GNA12: variants seen among roughly 807,000 people sequenced by gnomAD.
GNA12 encodes guanine nucleotide-binding protein subunit alpha-12.
In GNA12, 9 loss-of-function variants were observed where a neutral mutation model predicts 26.0. The observed-to-expected ratio is 0.35, with a 90% CI of 0.21 to 0.60. GNA12 has a LOEUF of 0.60. GNA12 is among the 20% of genes least tolerant of loss of function. The pLI is 0.78. For missense variants in GNA12, 405 were observed against 525.8 expected (o/e 0.77, Z 2.25); for synonymous variants, 264 against 219.6 (o/e 1.20, Z -1.79).
intron 1 of GNA12, among the ~76,000 whole-genome samples, chr7:2,813,332 T>C (rs1793131005): frequency 6.6e-6 from 1 of 152,244 alleles, no homozygotes; most frequent in Admixed American, 6.5e-5. Flanking sequence ...ATTTAAATTA[T>C]TTTAAAAAAT....
chr7:2,794,131 G>A (rs1037071962), intron 2 of GNA12, among the ~76,000 whole-genome samples: 2 of 152,222 alleles, frequency 1.3e-5, no homozygotes, highest in South Asian at 4.1e-4. Context: ...TGAAGGTTAA[G>A]AATCAGTAAA....
chr7:2,751,030 A>G (rs1370279766), intron 2 of GNA12, among the ~76,000 whole-genome samples: 1 of 152,224 alleles, frequency 6.6e-6, no homozygotes, highest in Non-Finnish European at 1.5e-5. Context: ...ATGTTAAAAT[A>G]TCAACACTTT....
intron 1 of GNA12, chr7:2,814,355 C>T: frequency 6.2e-7 from 1 of 1,605,092 alleles, no homozygotes; most frequent in South Asian, 1.1e-5. Flanking sequence ...AAAACGGCAG[C>T]ACTTTCGGTT....
chr7:2,734,170 C>T (rs1232778855), intron 2 of GNA12, among the ~76,000 whole-genome samples: 1 of 152,326 alleles, frequency 6.6e-6, no homozygotes, highest in South Asian at 2.1e-4. Context: ...CGGAATCACC[C>T]AGGACCCCGT....
intron 1 of GNA12, among the ~76,000 whole-genome samples, chr7:2,839,216 A>G (rs1008636561): frequency 4.6e-5 from 7 of 151,600 alleles, no homozygotes; most frequent in Non-Finnish European, 2.9e-5. Flanking sequence ...GAAATCAACA[A>G]AAGAGAGACA....
chr7:2,806,127 T>G (rs1322261820), intron 1 of GNA12, among the ~76,000 whole-genome samples: 1 of 152,212 alleles, frequency 6.6e-6, no homozygotes, highest in Non-Finnish European at 1.5e-5. Flanking sequence ...TGCCTTACAT[T>G]TGTGGCTCAC....
At chr7:2,843,544 G>C (rs536856394) in intron 1 of GNA12, among the ~76,000 whole-genome samples, 3 of 152,110 alleles carry the variant, frequency 2.0e-5, no homozygotes, top group Non-Finnish European at 4.4e-5. Flanking sequence ...TACTTCGGGA[G>C]GCTAAGGAGG....
At chr7:2,818,059 C>T (rs919296713) in intron 1 of GNA12, among the ~76,000 whole-genome samples, 7 of 152,144 alleles carry the variant, frequency 4.6e-5, no homozygotes, top group Admixed American at 6.5e-5. Context: ...TTCACTATAA[C>T]GTATTAAAAT....
rs554761310 is a variant in GNA12 at position 2,738,450 on chromosome 7, G to A, written c.526-4949C>T. ...GGCGAAGGAGAAGAGCTCCGTGGCT[G>A]GAAGGAGGTTTCCGATACCCACTGC... On this transcript the variant is annotated intron_variant, in intron 2 of 3. Coordinates refer to ENST00000275364, the MANE Select transcript of GNA12 (RefSeq NM_007353.3). 4.7e-4 allele frequency among the ~76,000 whole-genome samples: 71 copies of A among 152,314 alleles called. No individual in the cohort carries two copies. The South Asian group carries it at 0.014, about 30-fold the overall frequency.
Position 2,749,324 on chromosome 7 carries a change from T to C in GNA12, c.526-15823A>G, listed in dbSNP as rs187932286. 2.6e-5 allele frequency among the ~76,000 whole-genome samples: 4 copies of C among 152,308 alleles called. No individual in the cohort carries two copies. In the East Asian group the frequency reaches 5.8e-4, roughly 22 times the overall value. On this transcript the variant is annotated intron_variant, in intron 2 of 3. Coordinates refer to ENST00000275364, the MANE Select transcript of GNA12 (RefSeq NM_007353.3). Reference sequence around the variant, plus strand: ...GCCACATATACACCATGGAATACTATGGAGCCATAAAAAATGATGAGTTCT... The same window carrying C: ...GCCACATATACACCATGGAATACTACGGAGCCATAAAAAATGATGAGTTCT...
Position 2,731,638 on chromosome 7 carries a change from C to G in GNA12, c.689G>C (p.Gly230Ala). 1 of 1,613,656 alleles carries G rather than the reference C, an allele frequency of 6.2e-7. No homozygotes were observed. Among genetic ancestry groups the G allele is most frequent in the Non-Finnish European group, 8.5e-7 (1 of 1,179,826 alleles). The change falls in exon 4 of 4, where the codon GGC becomes GCC. Residue 230 changes from glycine to alanine, a missense_variant. Gly to Ala is a moderately conservative substitution (Grantham distance 60). Coordinates refer to ENST00000275364, the MANE Select transcript of GNA12 (RefSeq NM_007353.3). This position sits in a 1 kb window ranked among gnomAD's most constrained non-coding sequence, Gnocchi z 6.0. ...KIPFKMVDVG[G>A]QRSQRQKWFQ... is the part of the protein sequence containing the mutation. ...CCACTTCTGGCGCTGGGACCGCTGG[C>G]CGCCCACATCCACCATCTTAAAGGG...
intron 2 of GNA12, among the ~76,000 whole-genome samples, chr7:2,769,123 C>G (rs147494411): frequency 6.6e-6 from 1 of 152,050 alleles, no homozygotes; most frequent in Non-Finnish European, 1.5e-5. Context: ...AGGCTGGTCT[C>G]GAACTCCTAA....
At chr7:2,841,870 C>T (rs1583322345) in intron 1 of GNA12, among the ~76,000 whole-genome samples, 1 of 152,112 alleles carries the variant, frequency 6.6e-6, no homozygotes, top group East Asian at 1.9e-4. Context: ...AACCTAGTCT[C>T]CAGGCAGGTT....
intron 2 of GNA12, among the ~76,000 whole-genome samples, chr7:2,789,925 T>C (rs189530636): frequency 1.3e-3 from 198 of 152,354 alleles, no homozygotes; most frequent in Middle Eastern, 3.4e-3. Context: ...CTACCGCCTG[T>C]GTCAGTTTTT....
chr7:2,777,211 C>T (rs536211259), intron 2 of GNA12, among the ~76,000 whole-genome samples: 5 of 152,156 alleles, frequency 3.3e-5, no homozygotes, highest in South Asian at 2.1e-4. Flanking sequence ...CAAACGTGGA[C>T]GCTTGGGTAT....
chr7:2,761,941 T>A lies in GNA12; in HGVS notation c.526-28440A>T, dbSNP rs549843313. ...GGAATGTCCAAATGTAAGGGAAAAATGTGGAGTGTCCAGCCGCCCACCAGT... is the reference window on the plus strand; with the variant it reads ...GGAATGTCCAAATGTAAGGGAAAAAAGTGGAGTGTCCAGCCGCCCACCAGT... On this transcript the variant is annotated intron_variant, in intron 2 of 3. Coordinates refer to ENST00000275364, the MANE Select transcript of GNA12 (RefSeq NM_007353.3). Among the ~76,000 whole-genome samples the A allele has an allele frequency of 1.7e-3, 257 of 152,162 alleles. 1 individual carries two copies. Among genetic ancestry groups the A allele is most frequent in the Non-Finnish European group, 3.0e-3 (203 of 68,022 alleles).
chr7:2,826,376 CAA>C (rs71026566), intron 1 of GNA12, among the ~76,000 whole-genome samples: 46,278 of 107,306 alleles, frequency 0.43, 7,703 homozygotes, highest in Admixed American at 0.49. Context: ...GACTCCATCT[CAA>C]AAAAAAAAAA....
chr7:2,759,485 TTAC>T (rs1258628632), intron 2 of GNA12, among the ~76,000 whole-genome samples: 1 of 152,202 alleles, frequency 6.6e-6, no homozygotes, highest in African/African-American at 2.4e-5. Flanking sequence ...AAGTGGTAAG[TTAC>T]TACTGTTTAG....
At chr7:2,744,039 A>T (rs1331734215) in intron 2 of GNA12, among the ~76,000 whole-genome samples, 1 of 152,230 alleles carries the variant, frequency 6.6e-6, no homozygotes, top group Non-Finnish European at 1.5e-5. Context: ...AACTGGGTGG[A>T]GCCCACCACA....
Sources: gnomAD v4.1 joint callset for allele counts (sites outside exome capture counted in the v4.1 genomes callset) on GRCh38, gnomAD v4.1.1 for gene constraint, Gnocchi (gnomAD v3.1) non-coding constraint, MANE v1.5 for transcripts, NCBI Gene and HGNC (gene_info 2026-07-23, HGNC 2026-07-21) for gene names.